Variants in CCAR1 observed in about 807,000 individuals in gnomAD.
CCAR1 encodes cell division cycle and apoptosis regulator 1, also known as cell division cycle and apoptosis regulator protein 1.
In CCAR1, 78 loss-of-function variants were observed where a neutral mutation model predicts 163.8. The ratio of observed to expected loss-of-function variants is 0.48; its 90% CI spans 0.40 to 0.57. The LOEUF is 0.57. CCAR1 is among the 20% of genes least tolerant of loss of function. The pLI is 0.00. For missense variants in CCAR1, 1,019 were observed against 1,365.2 expected, an observed-to-expected ratio of 0.75 and a Z score of 4.00; for synonymous variants, 443 against 460.7, an observed-to-expected ratio of 0.96 and a Z score of 0.49.
chr10:68,784,915 C>CTTTTTT (rs754185332), intron 19 of CCAR1, among the ~76,000 whole-genome samples: 1 of 124,760 alleles, frequency 8.0e-6, no homozygotes, highest in Non-Finnish European at 1.6e-5. Context: ...GTGAACATAA[C>CTTTTTT]TTTTTTTTTT....
rs1358893279 is a variant in CCAR1 at position 68,787,955 on chromosome 10, T to C, written c.2909T>C (p.Leu970Pro). Residue 970 changes from leucine to proline, a missense_variant, in exon 22 of 25, where the codon CTC (leucine) becomes CCC (proline). By Grantham distance (98) the Leu-to-Pro change is moderately conservative. Around this residue, in one of 4 missense-constraint regions of CCAR1, gnomAD observed 358 missense variants for 406.4 expected, o/e 0.88. Coordinates refer to ENST00000265872, the MANE Select transcript of CCAR1 (RefSeq NM_018237.4). ...AAGAAGCTTCTTAATAAAGTAGTGC[T>C]CCGTGAATCTTGCTTTTACCGGAAA... ...QVKKLLNKVV[L>P]RESCFYRKLT... 1.9e-6 allele frequency: 3 copies of C among 1,612,898 alleles called. No homozygotes were observed. Among genetic ancestry groups the C allele is most frequent in the South Asian group, 2.2e-5 (2 of 90,784 alleles).
chr10:68,767,546 C>CTATT (rs1315299829), intron 17 of CCAR1, among the ~76,000 whole-genome samples: 2 of 151,930 alleles, frequency 1.3e-5, no homozygotes, highest in Non-Finnish European at 2.9e-5. Context: ...TGCACCCGGC[C>CTATT]TATTTATTTA....
chr10:68,749,280 G>A lies in CCAR1; in HGVS notation c.956+15G>A. The A allele has an allele frequency of 6.3e-7, 1 of 1,597,024 alleles. No individual in the cohort carries two copies. Among genetic ancestry groups the A allele is most frequent in the Non-Finnish European group, 8.5e-7 (1 of 1,173,406 alleles). ...GATGATCGAAGGTATATTTTCTAAA[G>A]TGTACTGTGGATGGTGGCAATGGTT... On this transcript the variant is annotated intron_variant, in intron 9 of 24. Coordinates refer to ENST00000265872, the MANE Select transcript of CCAR1 (RefSeq NM_018237.4).
intron 24 of CCAR1, 60 bp downstream of exon 24, chr10:68,789,975 T>G: frequency 1.0e-6 from 1 of 985,830 alleles, no homozygotes; most frequent in Non-Finnish European, 1.5e-6. Context: ...CTGGTGTTTT[T>G]AATGTATTTT....
intron 16 of CCAR1, among the ~76,000 whole-genome samples, chr10:68,765,103 G>A (rs751027068): frequency 3.7e-4 from 56 of 152,174 alleles, no homozygotes; most frequent in Non-Finnish European, 6.3e-4. Context: ...CTTGCTTTCT[G>A]AAGTTTGCTG....
chr10:68,723,818 A>T (rs1472800193), intron 2 of CCAR1, among the ~76,000 whole-genome samples: 1 of 148,114 alleles, frequency 6.8e-6, no homozygotes, highest in African/African-American at 2.5e-5. Context: ...ACTGCACTTC[A>T]GCCTGGGTGA....
intron 3 of CCAR1, 70 bp downstream of exon 3, chr10:68,737,118 C>G: frequency 2.9e-6 from 3 of 1,033,596 alleles, no homozygotes; most frequent in Non-Finnish European, 4.3e-6. Flanking sequence ...AGCATTGCTA[C>G]CTTCATTTTA....
Position 68,756,233 on chromosome 10 carries a change from T to G in CCAR1, c.1626-40T>G. The G allele has an allele frequency of 1.3e-6, 2 of 1,533,766 alleles. No individual in the cohort carries two copies. Among genetic ancestry groups the G allele is most frequent in the Non-Finnish European group, 9.0e-7 (1 of 1,112,716 alleles). On this transcript the variant is annotated intron_variant, in intron 13 of 24. Transcript: ENST00000265872. This position sits in a 1 kb window ranked among gnomAD's most constrained non-coding sequence, Gnocchi z 5.1. The stretch of plus-strand genomic sequence containing the variant: ...TGAACTAGGGTCTTTAAAATGTATT[T>G]TAGAATTTTTTTTCCAACATGCTTC...
At chr10:68,787,812 G>T in intron 21 of CCAR1, 115 bp from the exon 22 acceptor site, 1 of 1,005,224 alleles carries the variant, frequency 9.9e-7, no homozygotes, top group Non-Finnish European at 1.4e-6. Flanking sequence ...TCCAGTTTGG[G>T]CGACAAGAGC....
chr10:68,784,502 C>T (rs1200136889), intron 19 of CCAR1, among the ~76,000 whole-genome samples: 2 of 152,120 alleles, frequency 1.3e-5, no homozygotes, highest in Non-Finnish European at 2.9e-5. Flanking sequence ...CGTGACCCAC[C>T]ATGTTCGGCG....
chr10:68,755,519 A>G lies in CCAR1; in HGVS notation c.1608A>G (p.Leu536=). ...GTAAGGCTCTGACAGGCATTGATCT[A>G]AGTGTGTGCACACAATGGTAAGTAC... The part of the protein sequence containing the change: ...RCCKALTGID[L]SVCTQWYRFA... Residue 536 remains leucine (L), a synonymous_variant, in exon 13 of 25, where the codon CTA becomes CTG. Transcript: ENST00000265872. 6.2e-7 allele frequency: 1 copy of G among 1,613,690 alleles called. No homozygotes were observed. Among genetic ancestry groups the G allele is most frequent in the Non-Finnish European group, 8.5e-7 (1 of 1,179,688 alleles).
chr10:68,788,286 G>A lies in CCAR1; in HGVS notation c.3145G>A (p.Ala1049Thr). ...QKLEKSEKVR[A>T]EVEQKLQLLE... ...ATTGGAAAAGAGCGAAAAAGTAAGAGCTGAGGTAGAACAGAAGCTGCAGTT... is the reference window on the plus strand; with the variant it reads ...ATTGGAAAAGAGCGAAAAAGTAAGAACTGAGGTAGAACAGAAGCTGCAGTT... The change falls in exon 23 of 25, where the codon GCT becomes ACT. Residue 1049 changes from alanine (A) to threonine (T), a missense_variant. Physicochemically the swap from Ala to Thr is moderately conservative, Grantham distance 58. Coordinates refer to ENST00000265872, the MANE Select transcript of CCAR1 (RefSeq NM_018237.4). 1 of 1,589,762 alleles carries A rather than the reference G, an allele frequency of 6.3e-7. No individual in the cohort carries two copies. The highest frequency in any genetic ancestry group is 1.2e-5 in the South Asian group (1 of 86,200).
Position 68,754,730 on chromosome 10 carries a change from G to C in CCAR1, c.1361G>C (p.Ser454Thr), listed in dbSNP as rs370448387. Residue 454 changes from serine (S) to threonine (T), a missense_variant, in exon 12 of 25, where the codon AGC (serine) becomes ACC (threonine). This residue lies in a region of CCAR1 where 644 missense variants were observed against 904.4 expected (regional missense o/e 0.71). Transcript: ENST00000265872. ...LYSAKVMLMA[S>T]PSMEDLYHKS... is the part of the protein sequence containing the mutation. ...CTATAATAGGTAATGCTGATGGCTAGCCCTAGTATGGAAGATTTATATCAT... is the reference window on the plus strand; with the variant it reads ...CTATAATAGGTAATGCTGATGGCTACCCCTAGTATGGAAGATTTATATCAT... 2.0e-5 allele frequency: 32 copies of C among 1,600,744 alleles called. No homozygotes were observed. The highest frequency in any genetic ancestry group is 2.7e-5 in the Non-Finnish European group (31 of 1,168,528).
At chr10:68,748,958 G>T (rs1056128100) in intron 8 of CCAR1, among the ~76,000 whole-genome samples, 178 bp from the exon 9 acceptor site, 3 of 152,134 alleles carry the variant, frequency 2.0e-5, no homozygotes, top group Non-Finnish European at 4.4e-5. Context: ...GATTACTGGT[G>T]TGAGCCACCG....
At chr10:68,727,071 T>G (rs919406771) in intron 2 of CCAR1, among the ~76,000 whole-genome samples, 7 of 150,436 alleles carry the variant, frequency 4.7e-5, no homozygotes, top group South Asian at 2.1e-4. Context: ...GATTTTTTTT[T>G]TTGTTTTTTT....
In CCAR1 at chr10:68,727,650, A is replaced by G. The variant is rs181351815; in HGVS notation, c.73+5073A>G. Among the ~76,000 whole-genome samples the G allele has an allele frequency of 1.2e-3, 187 of 152,092 alleles. 1 individual carries two copies. The South Asian group carries it at 0.013, about 10-fold the overall frequency. On this transcript the variant is annotated intron_variant, in intron 2 of 24. Transcript: ENST00000265872. ...TATTTACCGTATTTTTCCATATCCT[A>G]CCTGAAGTGCTTTGATACGTCTTCA...
intron 15 of CCAR1, 137 bp from the exon 16 acceptor site, chr10:68,760,870 A>C: frequency 2.6e-6 from 1 of 388,152 alleles, no homozygotes; most frequent in Non-Finnish European, 4.2e-6. Context: ...TTTCAAAAAA[A>C]ACAAAAAACA....
chr10:68,754,793 G>C lies in CCAR1; in HGVS notation c.1424G>C (p.Arg475Pro). The change falls in exon 12 of 25, where the codon CGA (arginine) becomes CCA (proline). Residue 475 changes from arginine to proline, a missense_variant. Coordinates refer to ENST00000265872, the MANE Select transcript of CCAR1 (RefSeq NM_018237.4). Reference protein sequence around the residue: ...CALAEDPQELRDGFQHPARLV... With the variant: ...CALAEDPQELPDGFQHPARLV... ...CTTGCTGAGGACCCACAAGAACTTC[G>C]AGATGGATTCCAACATCCTGCTAGA... 6.2e-7 allele frequency: 1 copy of C among 1,608,200 alleles called. No homozygotes were observed. Among genetic ancestry groups the C allele is most frequent in the East Asian group, 2.2e-5 (1 of 44,826 alleles).
intron 19 of CCAR1, among the ~76,000 whole-genome samples, chr10:68,782,421 G>A (rs2056747573): frequency 6.6e-6 from 1 of 151,102 alleles, no homozygotes; most frequent in African/African-American, 2.4e-5. Flanking sequence ...TTGGGGGCGG[G>A]TAAAAAAAAA....
Sources: gnomAD v4.1 joint callset for allele counts (sites outside exome capture counted in the v4.1 genomes callset) on GRCh38, gnomAD v4.1.1 for gene constraint, gnomAD v4.1.1 regional missense constraint, Gnocchi (gnomAD v3.1) non-coding constraint, MANE v1.5 for transcripts, NCBI Gene and HGNC (gene_info 2026-07-23, HGNC 2026-07-21) for gene names.